The following FHIT variants were observed in gnomAD, a reference collection of about 807,000 sequenced individuals.
The protein encoded by FHIT is fragile histidine triad diadenosine triphosphatase.
In FHIT, 19 loss-of-function variants were observed where a neutral mutation model predicts 17.9. The ratio of observed to expected loss-of-function variants is 1.06; its 90% CI spans 0.74 to 1.56. The LOEUF (loss-of-function observed/expected upper bound fraction) is 1.56, where lower values mean the gene tolerates loss of function less well. Ranked by LOEUF, FHIT falls within the 40% of genes most tolerant of loss-of-function variation. The probability of loss-of-function intolerance (pLI) is 0.00; values close to 1 mark genes in which losing one functional copy is unlikely to be tolerated. For synonymous variants in FHIT, 81 were observed against 69.7 expected, an observed-to-expected ratio of 1.16 and a Z score of -0.81; for missense variants, 248 against 189.2, an observed-to-expected ratio of 1.31 and a Z score of -1.82.
chr3:60,137,598 C>A (rs995673768), intron 5 of FHIT, among the ~76,000 whole-genome samples: 1 of 152,236 alleles, frequency 6.6e-6, no homozygotes, highest in Admixed American at 6.5e-5. Flanking sequence ...GGCACTGACA[C>A]TGATGGAGAC....
intron 4 of FHIT, among the ~76,000 whole-genome samples, chr3:60,626,967 C>T (rs1378923252): frequency 6.6e-6 from 1 of 151,692 alleles, no homozygotes; most frequent in African/African-American, 2.4e-5. Context: ...TGCTTTTATC[C>T]TTTATTCTAT....
intron 5 of FHIT, among the ~76,000 whole-genome samples, chr3:60,046,365 T>C (rs1701653493): frequency 6.6e-6 from 1 of 152,218 alleles, no homozygotes; most frequent in Non-Finnish European, 1.5e-5. Flanking sequence ...ACCAGCTGCG[T>C]CTGTCAATGG....
intron 4 of FHIT, among the ~76,000 whole-genome samples, chr3:60,633,858 C>G (rs1313624230): frequency 1.3e-5 from 2 of 152,222 alleles, no homozygotes; most frequent in Non-Finnish European, 2.9e-5. Context: ...ACACCAAGTC[C>G]AGCTGCCAGG....
intron 3 of FHIT, among the ~76,000 whole-genome samples, chr3:60,867,254 T>C (rs1230367052): frequency 6.6e-6 from 1 of 152,208 alleles, no homozygotes; most frequent in African/African-American, 2.4e-5. Context: ...TAACTGAATA[T>C]GGAAAGCACT....
chr3:61,202,005 C>T (rs1380607354), intron 1 of FHIT, among the ~76,000 whole-genome samples: 2 of 151,766 alleles, frequency 1.3e-5, no homozygotes, highest in African/African-American at 2.4e-5. Context: ...TATACACACA[C>T]ATGTACAAAT....
chr3:60,014,147 G>C lies in FHIT; in HGVS notation c.109C>G (p.Leu37Val). ...NRKPVVPGHV[L>V]VCPLRPVERF... Reference sequence around the variant, plus strand: ...TCCACTGGCCGCAGCGGGCACACAAGGACATCTGTAGCAAGGTCTGTTAAG... The same window carrying C: ...TCCACTGGCCGCAGCGGGCACACAACGACATCTGTAGCAAGGTCTGTTAAG... Residue 37 changes from leucine to valine, a missense_variant, in exon 6 of 10, where the codon CTT (leucine) becomes GTT (valine). Physicochemically the swap from Leu to Val is conservative, Grantham distance 32. Coordinates refer to ENST00000492590, the MANE Select transcript of FHIT (RefSeq NM_002012.4). 6.2e-7 allele frequency: 1 copy of C among 1,613,980 alleles called. No individual in the cohort carries two copies. Among genetic ancestry groups the C allele is most frequent in the Non-Finnish European group, 8.5e-7 (1 of 1,179,948 alleles).
intron 5 of FHIT, among the ~76,000 whole-genome samples, chr3:60,105,995 A>G (rs922864435): frequency 6.6e-6 from 1 of 152,206 alleles, no homozygotes; most frequent in Admixed American, 6.5e-5. Context: ...TAAACAATTC[A>G]TAAGTTTTCA....
At chr3:60,930,752 T>G (rs1276177758) in intron 3 of FHIT, among the ~76,000 whole-genome samples, 7 of 152,074 alleles carry the variant, frequency 4.6e-5, no homozygotes, top group Admixed American at 4.6e-4. Flanking sequence ...TAGGAACACT[T>G]TTACACTGTT....
At chr3:60,645,764 T>A (rs1553686584) in intron 4 of FHIT, among the ~76,000 whole-genome samples, 1 of 152,102 alleles carries the variant, frequency 6.6e-6, no homozygotes, top group Admixed American at 6.6e-5. Flanking sequence ...TACTATACGG[T>A]TTCTATAACA....
chr3:60,738,851 C>G (rs114208556), intron 4 of FHIT, among the ~76,000 whole-genome samples: 4,349 of 152,332 alleles, frequency 0.029, 79 homozygotes, highest in Non-Finnish European at 0.044. Flanking sequence ...CCTGCGGCCC[C>G]TAAGTGGGGC....
At chr3:60,114,073 A>ATATATATATAT in intron 5 of FHIT, among the ~76,000 whole-genome samples, 1 of 93,020 alleles carries the variant, frequency 1.1e-5, no homozygotes. Context: ...ATATATATAT[A>ATATATATATAT]ATGTTATATG....
chr3:60,786,811 T>C (rs1700593581), intron 4 of FHIT, among the ~76,000 whole-genome samples: 1 of 152,158 alleles, frequency 6.6e-6, no homozygotes. Flanking sequence ...GAAGAATGAA[T>C]GAATGAATGG....
intron 2 of FHIT, among the ~76,000 whole-genome samples, chr3:61,058,512 A>G (rs9819092): frequency 0.74 from 112,963 of 152,018 alleles, 43,047 homozygotes; most frequent in Middle Eastern, 0.83. Flanking sequence ...TGAATCATGG[A>G]GGCAGACTTC....
chr3:60,495,965 A>G (rs987930480), intron 5 of FHIT, among the ~76,000 whole-genome samples: 2 of 152,168 alleles, frequency 1.3e-5, no homozygotes, highest in Non-Finnish European at 2.9e-5. Flanking sequence ...TAGGAAGAAA[A>G]GTAGATTCAT....
chr3:61,228,110 C>G (rs971440494), intron 1 of FHIT, among the ~76,000 whole-genome samples: 3 of 151,876 alleles, frequency 2.0e-5, no homozygotes, highest in Admixed American at 6.6e-5. Flanking sequence ...GCAGAATATG[C>G]CACCCCAAAA....
chr3:60,323,890 T>G (rs897903274), intron 5 of FHIT, among the ~76,000 whole-genome samples: 1 of 152,010 alleles, frequency 6.6e-6, no homozygotes, highest in African/African-American at 2.4e-5. Flanking sequence ...TAGCAAATAC[T>G]AGAAAGGTGA....
intron 3 of FHIT, among the ~76,000 whole-genome samples, chr3:60,904,594 A>G (rs1387615084): frequency 1.3e-5 from 2 of 152,150 alleles, no homozygotes; most frequent in Non-Finnish European, 2.9e-5. Flanking sequence ...ATGATAGGAG[A>G]AAATATTTAT....
intron 8 of FHIT, among the ~76,000 whole-genome samples, chr3:59,823,322 G>C (rs887564210): frequency 6.6e-6 from 1 of 152,150 alleles, no homozygotes; most frequent in African/African-American, 2.4e-5. Context: ...CTCTAATTCT[G>C]TGAAGAATGA....
chr3:60,121,477 G>C (rs1232474775), intron 5 of FHIT, among the ~76,000 whole-genome samples: 1 of 152,004 alleles, frequency 6.6e-6, no homozygotes, highest in East Asian at 1.9e-4. Context: ...TTTGAGGTCA[G>C]GAATTTGAGA....
Sources: gnomAD v4.1 joint callset for allele counts (sites outside exome capture counted in the v4.1 genomes callset) on GRCh38, gnomAD v4.1.1 for gene constraint, MANE v1.5 for transcripts, NCBI Gene and HGNC (gene_info 2026-07-23, HGNC 2026-07-21) for gene names.